SLC4A8: variants seen among roughly 807,000 people sequenced by gnomAD.
SLC4A8 encodes the protein electroneutral sodium bicarbonate exchanger 1.
Under a neutral mutation model 125.0 loss-of-function variants are expected in SLC4A8, and 40 were observed. That is an observed-to-expected ratio of 0.32 (90% CI 0.25 to 0.42). The LOEUF is 0.42. Ranked by LOEUF, SLC4A8 falls within the 10% of genes least tolerant of loss-of-function variation. SLC4A8 has a pLI of 1.00. For synonymous variants in SLC4A8, 456 were observed against 476.0 expected, an observed-to-expected ratio of 0.96 and a Z score of 0.55; for missense variants, 863 against 1,355.1, an observed-to-expected ratio of 0.64 and a Z score of 5.70.
rs955955853 is a variant in SLC4A8 at position 51,506,071 on chromosome 12, A to C, written c.3269+141A>C. 44 of 589,664 alleles carry C rather than the reference A, an allele frequency of 7.5e-5. No homozygotes were observed. The African/African-American group carries it at 8.2e-4, about 11-fold the overall frequency. 36.5% of individuals were successfully genotyped at this position (589,664 alleles called of 1,614,324 possible). ...CAGGAACTGCCGCTAACCACATAAG[A>C]ATAGCTATAAGCCTTAAAAAAGTAA... On this transcript the variant is annotated intron_variant, in intron 24 of 24. Coordinates refer to ENST00000453097, the MANE Select transcript of SLC4A8 (RefSeq NM_001039960.3).
intron 2 of SLC4A8, chr12:51,441,064 T>C: frequency 1.8e-6 from 2 of 1,106,404 alleles, no homozygotes; most frequent in Non-Finnish European, 2.2e-6. Context: ...AAGTAACCTG[T>C]TCTTTGAGAA....
intron 3 of SLC4A8, among the ~76,000 whole-genome samples, chr12:51,451,383 G>A (rs192266509): frequency 1.2e-3 from 180 of 152,198 alleles, no homozygotes; most frequent in Middle Eastern, 6.8e-3. Context: ...TACTGGGATT[G>A]CAGGCGTGAG....
chr12:51,475,251 T>C (rs1950825897), intron 16 of SLC4A8, 45 bp downstream of exon 16: 3 of 1,584,910 alleles, frequency 1.9e-6, no homozygotes, highest in African/African-American at 2.7e-5. Flanking sequence ...GAATCAAATA[T>C]AACAGAACCT....
At chr12:51,493,570 C>T (rs1951378223) in intron 19 of SLC4A8, 134 bp from the exon 20 acceptor site, 1 of 641,722 alleles carries the variant, frequency 1.6e-6, no homozygotes, top group Non-Finnish European at 2.9e-6. Context: ...CCACAGGCAG[C>T]AGAAACTAAT....
intron 3 of SLC4A8, among the ~76,000 whole-genome samples, chr12:51,451,751 A>G (rs1949980855): frequency 6.6e-6 from 1 of 151,942 alleles, no homozygotes; most frequent in Non-Finnish European, 1.5e-5. Flanking sequence ...GGTGGCTACT[A>G]TAAAACCAAA....
chr12:51,435,656 T>A (rs113749315), intron 1 of SLC4A8, among the ~76,000 whole-genome samples: 14 of 152,268 alleles, frequency 9.2e-5, no homozygotes, highest in African/African-American at 3.4e-4. Context: ...AGTGACCTTA[T>A]GAAGTGAACT....
intron 1 of SLC4A8, among the ~76,000 whole-genome samples, chr12:51,411,316 A>C (rs575075597): frequency 7.0e-4 from 106 of 152,038 alleles, no homozygotes; most frequent in Non-Finnish European, 1.1e-3. Flanking sequence ...GGCTGGGTGC[A>C]GTGGCTCACA....
chr12:51,424,076 A>AAAG (rs1555186726), upstream of SLC4A8, among the ~76,000 whole-genome samples: 1 of 126,278 alleles, frequency 7.9e-6, no homozygotes, highest in Non-Finnish European at 1.8e-5. Flanking sequence ...CAAAAAAAAA[A>AAAG]CAAAAAAAAC....
intron 13 of SLC4A8, 86 bp downstream of exon 13, chr12:51,470,611 A>G: frequency 8.1e-7 from 1 of 1,231,304 alleles, no homozygotes; most frequent in Non-Finnish European, 1.2e-6. Context: ...CTCAGTACAG[A>G]CAGGCAATAT....
chr12:51,476,091 C>T (rs923651046), intron 16 of SLC4A8, among the ~76,000 whole-genome samples: 2 of 152,188 alleles, frequency 1.3e-5, no homozygotes, highest in African/African-American at 2.4e-5. Flanking sequence ...CTCAAACATA[C>T]GAATCAGTGA....
At chr12:51,483,683 CAAAAT>C (rs899568703) in intron 16 of SLC4A8, among the ~76,000 whole-genome samples, 8 of 151,582 alleles carry the variant, frequency 5.3e-5, no homozygotes, top group African/African-American at 1.7e-4. Flanking sequence ...ATTTTGTTCT[CAAAAT>C]AAAATAATTT....
At position 51,452,226 on chromosome 12, in the gene SLC4A8, A is replaced by T; in HGVS notation, c.380A>T (p.Glu127Val). ...GAGCTGGATGAGATCTGTATGAAAGAGGGAGAAGATGCTGAGTGGAAGGAA... is the reference window on the plus strand; with the variant it reads ...GAGCTGGATGAGATCTGTATGAAAGTGGGAGAAGATGCTGAGTGGAAGGAA... ...FTELDEICMK[E>V]GEDAEWKETA... Residue 127 changes from glutamate to valine, a missense_variant, in exon 4 of 25, where the codon GAG becomes GTG. By Grantham distance (121) the Glu-to-Val change is moderately radical (BLOSUM62 -2). Transcript: ENST00000453097. 6.2e-7 allele frequency: 1 copy of T among 1,614,220 alleles called. No homozygotes were observed. Among genetic ancestry groups the T allele is most frequent in the Non-Finnish European group, 8.5e-7 (1 of 1,180,026 alleles).
chr12:51,449,530 A>T (rs1949896139), intron 2 of SLC4A8, among the ~76,000 whole-genome samples: 1 of 152,136 alleles, frequency 6.6e-6, no homozygotes, highest in African/African-American at 2.4e-5. Flanking sequence ...GGATTAGAAC[A>T]GCTCCTTTGG....
upstream of SLC4A8, chr12:51,424,723 C>T (rs1402744313): frequency 1.5e-5 from 7 of 458,142 alleles, no homozygotes; most frequent in Middle Eastern, 5.6e-4. Context: ...TCCCCGGCTC[C>T]TCCCCCTCCC....
chr12:51,462,066 C>T (rs1950343167), intron 9 of SLC4A8: 3 of 461,886 alleles, frequency 6.5e-6, no homozygotes, highest in Non-Finnish European at 1.2e-5. Flanking sequence ...ACTTTAGACT[C>T]ATGTCTTATC....
intron 1 of SLC4A8, among the ~76,000 whole-genome samples, chr12:51,419,648 G>GT (rs1293320597): frequency 2.6e-5 from 4 of 152,016 alleles, no homozygotes; most frequent in African/African-American, 4.8e-5. Flanking sequence ...GATGACAACC[G>GT]TTTTTTTTAC....
intron 17 of SLC4A8, among the ~76,000 whole-genome samples, chr12:51,486,898 C>T (rs1455408101): frequency 2.0e-5 from 3 of 152,224 alleles, no homozygotes; most frequent in Non-Finnish European, 4.4e-5. Context: ...ACCAATCCCT[C>T]TTGTAAGTAT....
rs535872406 is a variant in SLC4A8, at chr12:51,482,824, A to G, written c.2173-2963A>G. ...AAATATTTTTGCTGGAGTCAGGAGC[A>G]CTATGTGGCACAGAACACCTCCCAG... On this transcript the variant is annotated intron_variant, in intron 16 of 24. Coordinates refer to ENST00000453097, the MANE Select transcript of SLC4A8 (RefSeq NM_001039960.3). Among the ~76,000 whole-genome samples the G allele has an allele frequency of 3.2e-3, 480 of 152,344 alleles. 2 individuals are homozygous for G. The highest frequency in any genetic ancestry group is 0.011 in the African/African-American group (468 of 41,576).
chr12:51,431,449 G>T (rs892640888), intron 1 of SLC4A8, among the ~76,000 whole-genome samples: 29 of 152,132 alleles, frequency 1.9e-4, no homozygotes, highest in African/African-American at 6.3e-4. Context: ...TCCAAGTGGG[G>T]TTCAGCAAAA....
Sources: gnomAD v4.1 joint callset for allele counts (sites outside exome capture counted in the v4.1 genomes callset) on GRCh38, gnomAD v4.1.1 for gene constraint, MANE v1.5 for transcripts, NCBI Gene and HGNC (gene_info 2026-07-23, HGNC 2026-07-21) for gene names.